Variants in SLC4A8 observed in about 807,000 individuals in gnomAD.
SLC4A8 encodes the protein electroneutral sodium bicarbonate exchanger 1.
Under a neutral mutation model 125.0 loss-of-function variants are expected in SLC4A8, and 40 were observed. The observed-to-expected ratio is 0.32, with a 90% CI of 0.25 to 0.42. SLC4A8 has a LOEUF of 0.42. Ranked by LOEUF, SLC4A8 falls within the 10% of genes least tolerant of loss-of-function variation. SLC4A8 has a pLI of 1.00. For missense variants in SLC4A8, 863 were observed against 1,355.1 expected (o/e 0.64, Z 5.70); for synonymous variants, 456 against 476.0 (o/e 0.96, Z 0.55).
intron 19 of SLC4A8, among the ~76,000 whole-genome samples, chr12:51,491,466 C>G (rs1421105119): frequency 6.6e-6 from 1 of 151,978 alleles, no homozygotes; most frequent in African/African-American, 2.4e-5. Context: ...GAAAATGTTT[C>G]AAGAAAGAGG....
chr12:51,411,884 A>G (rs1592146852), intron 1 of SLC4A8, among the ~76,000 whole-genome samples: 1 of 151,982 alleles, frequency 6.6e-6, no homozygotes, highest in Non-Finnish European at 1.5e-5. Flanking sequence ...CAGGAGGTTG[A>G]AACCCTTTCT....
chr12:51,445,503 C>T (rs1030550703), intron 2 of SLC4A8, among the ~76,000 whole-genome samples: 32 of 152,138 alleles, frequency 2.1e-4, no homozygotes, highest in African/African-American at 6.8e-4. Context: ...ATGCTTTTTA[C>T]AGCACATAGA....
At chr12:51,394,679 G>T (rs1043276959) in intron 1 of SLC4A8, among the ~76,000 whole-genome samples, 2 of 152,130 alleles carry the variant, frequency 1.3e-5, no homozygotes, top group African/African-American at 4.8e-5. Flanking sequence ...AGGCACGGGG[G>T]CCCACTTGAG....
chr12:51,447,246 C>G (rs1045478200), intron 2 of SLC4A8, among the ~76,000 whole-genome samples: 8 of 151,984 alleles, frequency 5.3e-5, no homozygotes, highest in Admixed American at 4.6e-4. Context: ...CCACACCTGT[C>G]TAATTTTTTT....
intron 2 of SLC4A8, among the ~76,000 whole-genome samples, chr12:51,445,027 A>G (rs1287140982): frequency 1.3e-5 from 2 of 152,110 alleles, no homozygotes; most frequent in African/African-American, 4.8e-5. Context: ...GAGGAAACCC[A>G]TGGTTGGGAT....
chr12:51,414,921 A>C (rs1313316680), intron 1 of SLC4A8, among the ~76,000 whole-genome samples: 1 of 152,192 alleles, frequency 6.6e-6, no homozygotes, highest in Non-Finnish European at 1.5e-5. Flanking sequence ...GGAAATAATC[A>C]TATGGTTTTT....
At chr12:51,411,146 C>G (rs1386990639) in intron 1 of SLC4A8, among the ~76,000 whole-genome samples, 1 of 146,156 alleles carries the variant, frequency 6.8e-6, no homozygotes, top group Non-Finnish European at 1.5e-5. Context: ...GTTATTTATT[C>G]TCATTACTTA....
intron 2 of SLC4A8, chr12:51,441,218 AT>A (rs1270114651): frequency 2.0e-6 from 2 of 982,302 alleles, no homozygotes; most frequent in African/African-American, 3.5e-5. Context: ...CATTTCCAAT[AT>A]TTACTGTTTC....
At chr12:51,396,673 T>C (rs1433169889) in intron 1 of SLC4A8, among the ~76,000 whole-genome samples, 3 of 43,148 alleles carry the variant, frequency 7.0e-5, no homozygotes, top group Non-Finnish European at 1.6e-4. Flanking sequence ...TGAGACCCCA[T>C]CTTTATTTAA....
intron 7 of SLC4A8, among the ~76,000 whole-genome samples, 190 bp from the exon 8 acceptor site, chr12:51,459,761 A>G (rs1317370028): frequency 2.0e-5 from 3 of 152,206 alleles, no homozygotes; most frequent in Non-Finnish European, 1.5e-5. Context: ...AATTCCAGCT[A>G]CTAGGGAGCC....
intron 11 of SLC4A8, among the ~76,000 whole-genome samples, chr12:51,466,166 G>T (rs10783443): frequency 0.48 from 73,479 of 151,788 alleles, 18,111 homozygotes; most frequent in Non-Finnish European, 0.53. Context: ...CCAAGCCAGG[G>T]TTAAGACAGA....
At chr12:51,496,863 A>G (rs1461916595) in intron 21 of SLC4A8, 124 bp from the exon 22 acceptor site, 2 of 867,878 alleles carry the variant, frequency 2.3e-6, no homozygotes, top group East Asian at 2.5e-5. Context: ...GGTGACTGTT[A>G]GGATTATTAT....
intron 2 of SLC4A8, chr12:51,450,536 G>A: frequency 4.3e-6 from 1 of 231,842 alleles, no homozygotes; most frequent in South Asian, 6.0e-5. Flanking sequence ...TAGAGCAACT[G>A]TATTGCCTTT....
chr12:51,411,616 A>G (rs570931370), intron 1 of SLC4A8, among the ~76,000 whole-genome samples: 1 of 152,052 alleles, frequency 6.6e-6, no homozygotes, highest in Non-Finnish European at 1.5e-5. Flanking sequence ...TTTTTAAGTT[A>G]TTTTGTGGCT....
chr12:51,392,571 C>CAAAAAAA (rs35992841), intron 1 of SLC4A8, among the ~76,000 whole-genome samples: 41 of 119,214 alleles, frequency 3.4e-4, no homozygotes, highest in African/African-American at 1.2e-3. Flanking sequence ...GATTCCGTAT[C>CAAAAAAA]AAAAAAAAAA....
rs191345951 is a variant in SLC4A8, at chr12:51,498,850, A to C, written c.3081+1726A>C. On this transcript the variant is annotated intron_variant, in intron 22 of 24. Coordinates refer to ENST00000453097, the MANE Select transcript of SLC4A8 (RefSeq NM_001039960.3). ...AGCCGAGATAACACCACTGCACTCC[A>C]GCCTGGGTGACAGAGAGAGATCCTG... Among the ~76,000 whole-genome samples, 140 of 133,326 alleles carry C rather than the reference A, an allele frequency of 1.1e-3. 1 individual carries two copies. The highest frequency in any genetic ancestry group is 4.0e-3 in the African/African-American group (135 of 33,962). The allele number at this position is 133,326 out of a possible 152,430, so 87.5% of individuals were successfully genotyped here. A position where few individuals can be genotyped will look rare whatever the true frequency, so the allele number is the denominator to read the frequency against.
intron 1 of SLC4A8, among the ~76,000 whole-genome samples, chr12:51,419,425 C>T (rs188631767): frequency 1.4e-4 from 21 of 152,304 alleles, no homozygotes; most frequent in African/African-American, 5.1e-4. Flanking sequence ...GGAGTGAAAT[C>T]ACTTTAAATA....
Position 51,475,050 on chromosome 12 carries a change from C to T in SLC4A8, c.2016C>T (p.Cys672=), listed in dbSNP as rs751313609. 4.3e-6 allele frequency: 7 copies of T among 1,612,550 alleles called. No individual in the cohort carries two copies. The highest frequency in any genetic ancestry group is 5.9e-6 in the Non-Finnish European group (7 of 1,179,480). The change falls in exon 16 of 25, where the codon TGC becomes TGT. Residue 672 remains cysteine, a synonymous_variant. Coordinates refer to ENST00000453097, the MANE Select transcript of SLC4A8 (RefSeq NM_001039960.3). ...VHWANLTVSE[C]QEMHGEFMGS... ...CAGAATGCTTATTCCTCCAGGAATG[C>T]CAGGAGATGCATGGAGAGTTCATGG...
At chr12:51,459,218 G>A (rs1370914038) in intron 7 of SLC4A8, among the ~76,000 whole-genome samples, 1 of 152,154 alleles carries the variant, frequency 6.6e-6, no homozygotes, top group Non-Finnish European at 1.5e-5. Context: ...CACTTCCTCT[G>A]CTCATAAGGC....
Sources: gnomAD v4.1 joint callset for allele counts (sites outside exome capture counted in the v4.1 genomes callset) on GRCh38, gnomAD v4.1.1 for gene constraint, MANE v1.5 for transcripts, NCBI Gene and HGNC (gene_info 2026-07-23, HGNC 2026-07-21) for gene names.